PTPRT: variants seen among roughly 807,000 people sequenced by gnomAD.
PTPRT encodes protein tyrosine phosphatase receptor type T.
In PTPRT, 56 loss-of-function variants were observed where a neutral mutation model predicts 176.8. The ratio of observed to expected loss-of-function variants is 0.32; its 90% confidence interval spans 0.26 to 0.40. The LOEUF is 0.40. Among genes scored for constraint, PTPRT ranks in the 10% least tolerant of loss-of-function variants. The pLI, the probability that PTPRT is intolerant of heterozygous loss-of-function variation, is 1.00. For missense variants in PTPRT, 1,540 were observed against 1,908.2 expected, an observed-to-expected ratio of 0.81 and a Z score of 3.60; for synonymous variants, 783 against 739.0, an observed-to-expected ratio of 1.06 and a Z score of -0.96.
intron 5 of PTPRT, among the ~76,000 whole-genome samples, chr20:42,759,137 C>G (rs1273488563): frequency 6.6e-6 from 1 of 152,156 alleles, no homozygotes; most frequent in Admixed American, 6.5e-5. Flanking sequence ...GCCCATCTTC[C>G]CCACTGCTGA....
chr20:43,161,576 G>C (rs556668995), intron 1 of PTPRT, among the ~76,000 whole-genome samples: 1 of 152,230 alleles, frequency 6.6e-6, no homozygotes, highest in South Asian at 2.1e-4. Context: ...AGCAAAATTG[G>C]TAAGACACTC....
chr20:42,485,806 T>C (rs1230970623), intron 7 of PTPRT, among the ~76,000 whole-genome samples: 1 of 152,194 alleles, frequency 6.6e-6, no homozygotes, highest in Admixed American at 6.5e-5. Context: ...AGCTTTTTTA[T>C]GATGTCCAAA....
chr20:42,570,936 C>T (rs1157254243), intron 7 of PTPRT, among the ~76,000 whole-genome samples: 2 of 136,616 alleles, frequency 1.5e-5, no homozygotes, highest in Non-Finnish European at 3.1e-5. Context: ...AGAACACGGA[C>T]ATAGACATTT....
chr20:42,117,008 A>G (rs923794037), intron 21 of PTPRT, among the ~76,000 whole-genome samples: 1 of 152,152 alleles, frequency 6.6e-6, no homozygotes, highest in African/African-American at 2.4e-5. Context: ...GTCTGAGTGG[A>G]GTGACCACAA....
intron 14 of PTPRT, 143 bp downstream of exon 14, chr20:42,248,544 C>T: frequency 8.8e-7 from 1 of 1,138,082 alleles, no homozygotes; most frequent in Non-Finnish European, 1.3e-6. Context: ...TGAACCACAG[C>T]CGGCCCATGT....
chr20:42,273,005 C>T (rs1033240909), intron 13 of PTPRT, among the ~76,000 whole-genome samples: 2 of 152,160 alleles, frequency 1.3e-5, no homozygotes, highest in Middle Eastern at 3.2e-3. Flanking sequence ...AAATAGCATA[C>T]CCTAAGTTGA....
At chr20:42,487,842 T>C (rs1382480638) in intron 7 of PTPRT, among the ~76,000 whole-genome samples, 1 of 152,224 alleles carries the variant, frequency 6.6e-6, no homozygotes, top group African/African-American at 2.4e-5. Flanking sequence ...ACCTCAAAGA[T>C]TGCTCTGCTT....
chr20:42,792,503 G>C (rs1323834070), intron 2 of PTPRT, among the ~76,000 whole-genome samples: 1 of 152,142 alleles, frequency 6.6e-6, no homozygotes, highest in Non-Finnish European at 1.5e-5. Context: ...TGGCAAAACA[G>C]AGCCTAGACA....
intron 17 of PTPRT, among the ~76,000 whole-genome samples, chr20:42,145,227 C>T (rs776259429): frequency 3.9e-5 from 6 of 152,182 alleles, no homozygotes; most frequent in African/African-American, 7.2e-5. Context: ...TGGGGCCAGA[C>T]GCAGTGGCTC....
chr20:42,633,327 T>C (rs1460227490), intron 7 of PTPRT, among the ~76,000 whole-genome samples: 1 of 152,134 alleles, frequency 6.6e-6, no homozygotes, highest in African/African-American at 2.4e-5. Context: ...GATGGATAAC[T>C]TCTGGAATGA....
chr20:42,641,350 C>T (rs965264669), intron 7 of PTPRT, among the ~76,000 whole-genome samples: 8 of 152,116 alleles, frequency 5.3e-5, no homozygotes, highest in African/African-American at 1.9e-4. Context: ...GCCTGGAACC[C>T]TGGATGAATA....
At position 42,961,429 on chromosome 20, in the gene PTPRT, G is replaced by A. The variant is rs75870411; in HGVS notation, c.89-75497C>T. 6.7e-3 allele frequency among the ~76,000 whole-genome samples: 1,018 copies of A among 152,278 alleles called. 13 individuals carry two copies. Among genetic ancestry groups the A allele is most frequent in the African/African-American group, 0.023 (948 of 41,540 alleles). ...GCACAATTGCGTGCTGGTTCAATAA[G>A]GAAAATAGGAAGTAAGTCCTTAAAA... On this transcript the variant is annotated intron_variant, in intron 1 of 30. Transcript: ENST00000373187.
chr20:43,014,343 C>T (rs1462352324), intron 1 of PTPRT, among the ~76,000 whole-genome samples: 1 of 152,188 alleles, frequency 6.6e-6, no homozygotes, highest in African/African-American at 2.4e-5. Context: ...CAACTGTCAC[C>T]ATTTAGTGAA....
intron 1 of PTPRT, among the ~76,000 whole-genome samples, chr20:42,941,097 T>A (rs1448402338): frequency 5.3e-5 from 8 of 150,184 alleles, no homozygotes; most frequent in African/African-American, 2.0e-4. Flanking sequence ...AAAATAATAA[T>A]AATAATAATA....
chr20:43,107,734 C>T (rs1568789376), intron 1 of PTPRT, among the ~76,000 whole-genome samples: 1 of 152,156 alleles, frequency 6.6e-6, no homozygotes, highest in Non-Finnish European at 1.5e-5. Flanking sequence ...GAACTCGGTT[C>T]CTGAACAGAG....
chr20:42,708,283 A>C (rs2146190445), intron 6 of PTPRT, among the ~76,000 whole-genome samples: 1 of 152,302 alleles, frequency 6.6e-6, no homozygotes, highest in East Asian at 1.9e-4. Context: ...AATATTATAA[A>C]ATTCAAGATT....
chr20:42,848,308 T>C (rs2078411290), intron 2 of PTPRT, among the ~76,000 whole-genome samples: 1 of 152,260 alleles, frequency 6.6e-6, no homozygotes, highest in Admixed American at 6.5e-5. Context: ...ATCTTTTTTG[T>C]ATAATCACTT....
At chr20:42,646,906 T>C (rs2074916836) in intron 7 of PTPRT, among the ~76,000 whole-genome samples, 1 of 119,904 alleles carries the variant, frequency 8.3e-6, no homozygotes, top group South Asian at 3.0e-4. Context: ...TTTTTTTTTT[T>C]TTTTTTTGAG....
chr20:42,039,155 G>A, the PTPRT span, among the ~76,000 whole-genome samples: 18 of 152,044 alleles, frequency 1.2e-4, no homozygotes, highest in African/African-American at 3.6e-4. Flanking sequence ...CCAGTTACAT[G>A]CAAAGTGCTT....
Sources: gnomAD v4.1 joint callset for allele counts (sites outside exome capture counted in the v4.1 genomes callset) on GRCh38, gnomAD v4.1.1 for gene constraint, MANE v1.5 for transcripts, NCBI Gene and HGNC (gene_info 2026-07-23, HGNC 2026-07-21) for gene names.